DCC: variants seen among roughly 807,000 people sequenced by gnomAD.
DCC encodes DCC netrin 1 receptor, also known as netrin receptor DCC.
A neutral mutation model predicts 172.5 loss-of-function variants in DCC; 58 were observed. The observed-to-expected ratio is 0.34, with a 90% confidence interval of 0.27 to 0.42. The LOEUF (loss-of-function observed/expected upper bound fraction) is 0.42. DCC is among the 10% of genes least tolerant of loss of function. The pLI, the probability that DCC is intolerant of heterozygous loss-of-function variation, is 1.00. For missense variants in DCC, 1,740 were observed against 1,791.0 expected (o/e 0.97, Z 0.51); for synonymous variants, 709 against 644.5 (o/e 1.10, Z -1.52).
chr18:52,522,930 G>C (rs2031864687), intron 1 of DCC, among the ~76,000 whole-genome samples: 1 of 152,210 alleles, frequency 6.6e-6, no homozygotes, highest in Non-Finnish European at 1.5e-5. Context: ...CACAGTTTGA[G>C]AACGGGACCC....
At chr18:52,393,099 G>A (rs1181835868) in intron 1 of DCC, among the ~76,000 whole-genome samples, 1 of 152,002 alleles carries the variant, frequency 6.6e-6, no homozygotes, top group Non-Finnish European at 1.5e-5. Flanking sequence ...TTTCACTGTG[G>A]GATGAGATAT....
At chr18:53,114,749 C>T (rs186750020) in intron 7 of DCC, among the ~76,000 whole-genome samples, 2 of 151,696 alleles carry the variant, frequency 1.3e-5, no homozygotes, top group Admixed American at 1.3e-4. Context: ...TTGAAAAGAC[C>T]AGGCCAGGGC....
intron 1 of DCC, among the ~76,000 whole-genome samples, chr18:52,534,878 C>A (rs768396901): frequency 6.6e-6 from 1 of 152,132 alleles, no homozygotes; most frequent in African/African-American, 2.4e-5. Context: ...AATAGCCAAC[C>A]TACCTGGCAT....
At chr18:52,747,187 T>C (rs578164881) in intron 1 of DCC, among the ~76,000 whole-genome samples, 3 of 152,294 alleles carry the variant, frequency 2.0e-5, no homozygotes, top group Admixed American at 6.5e-5. Flanking sequence ...TCAGACTCCG[T>C]TGTGTAAGTT....
intron 2 of DCC, among the ~76,000 whole-genome samples, chr18:52,806,240 G>C (rs1205059145): frequency 2.0e-5 from 3 of 152,104 alleles, no homozygotes; most frequent in Non-Finnish European, 2.9e-5. Flanking sequence ...ATACACCCCA[G>C]TCCCCATACG....
At chr18:53,297,634 C>T (rs192249803) in intron 12 of DCC, among the ~76,000 whole-genome samples, 66 of 152,288 alleles carry the variant, frequency 4.3e-4, no homozygotes, top group Non-Finnish European at 8.8e-4. Context: ...CCCGTAACAG[C>T]AACAGCTTTT....
At chr18:53,495,929 T>C (rs141127728) in intron 26 of DCC, among the ~76,000 whole-genome samples, 223 of 152,174 alleles carry the variant, frequency 1.5e-3, no homozygotes, top group African/African-American at 5.1e-3. Flanking sequence ...GGGCAGGGCA[T>C]CTCTGAAAAA....
intron 28 of DCC, among the ~76,000 whole-genome samples, chr18:53,528,211 CTT>C (rs779488111): frequency 2.6e-5 from 4 of 151,902 alleles, no homozygotes; most frequent in Non-Finnish European, 5.9e-5. Flanking sequence ...TTTTTCTTGA[CTT>C]AATTTTTTTT....
chr18:53,177,194 G>T (rs1296060442), intron 8 of DCC, among the ~76,000 whole-genome samples: 6 of 151,412 alleles, frequency 4.0e-5, no homozygotes, highest in Non-Finnish European at 1.5e-5. Context: ...TGGGGGGAGC[G>T]GGGGAGGGAT....
intron 1 of DCC, among the ~76,000 whole-genome samples, chr18:52,750,821 A>G (rs940502234): frequency 3.3e-5 from 5 of 152,158 alleles, no homozygotes; most frequent in Admixed American, 6.6e-5. Context: ...GATTGGAATG[A>G]TTTTACAAAG....
At chr18:52,923,443 A>G (rs1034024226) in intron 3 of DCC, among the ~76,000 whole-genome samples, 5 of 152,116 alleles carry the variant, frequency 3.3e-5, no homozygotes, top group African/African-American at 1.2e-4. Flanking sequence ...TAAGTAAACA[A>G]TTCCTGCTTA....
intron 26 of DCC, among the ~76,000 whole-genome samples, chr18:53,497,353 A>G (rs2046037002): frequency 6.6e-6 from 1 of 152,220 alleles, no homozygotes; most frequent in Admixed American, 6.5e-5. Flanking sequence ...CTCCTAAGCA[A>G]TGCCTGCAAT....
At position 53,056,745 on chromosome 18, in the gene DCC, G is replaced by T. The variant is rs554197593; in HGVS notation, c.986-6560G>T. Among the ~76,000 whole-genome samples, 7 of 152,116 alleles carry T rather than the reference G, an allele frequency of 4.6e-5. No homozygotes were observed. The East Asian group carries it at 7.8e-4, about 17-fold the overall frequency. ...ACTAGCTGGCTTTCCACTGTTCTCA[G>T]GGCAGAATCACAGCCACTCAAAGAT... On this transcript the variant is annotated intron_variant, in intron 5 of 28. Coordinates refer to ENST00000442544, the MANE Select transcript of DCC (RefSeq NM_005215.4).
intron 2 of DCC, among the ~76,000 whole-genome samples, chr18:52,872,126 G>A (rs1275338011): frequency 1.3e-5 from 2 of 152,124 alleles, no homozygotes; most frequent in African/African-American, 4.8e-5. Context: ...CAGGAACATG[G>A]GAGAGGACCA....
intron 1 of DCC, among the ~76,000 whole-genome samples, chr18:52,722,493 TGTA>T (rs1202182636): frequency 1.3e-5 from 2 of 152,196 alleles, no homozygotes; most frequent in East Asian, 3.8e-4. Context: ...TTATTATTTA[TGTA>T]GTATAATTTC....
chr18:52,416,168 T>C (rs529516581), intron 1 of DCC, among the ~76,000 whole-genome samples: 3 of 152,226 alleles, frequency 2.0e-5, no homozygotes, highest in Non-Finnish European at 2.9e-5. Flanking sequence ...TCAGTTTCCA[T>C]GTAGTTGAGC....
At chr18:52,899,799 TCTAA>T (rs1190558439) in intron 2 of DCC, among the ~76,000 whole-genome samples, 1 of 152,196 alleles carries the variant, frequency 6.6e-6, no homozygotes, top group Non-Finnish European at 1.5e-5. Flanking sequence ...CCAAGGCTCC[TCTAA>T]CTAATTCTTT....
At chr18:52,560,574 A>G (rs542431856) in intron 1 of DCC, among the ~76,000 whole-genome samples, 7 of 152,308 alleles carry the variant, frequency 4.6e-5, no homozygotes, top group African/African-American at 1.7e-4. Flanking sequence ...GTAGAATAGA[A>G]AAACAAAAAA....
intron 5 of DCC, among the ~76,000 whole-genome samples, chr18:53,028,713 C>T (rs571768329): frequency 6.6e-6 from 1 of 152,264 alleles, no homozygotes; most frequent in African/African-American, 2.4e-5. Flanking sequence ...ACAGTAGCCT[C>T]TACAATACTT....
Sources: gnomAD v4.1 joint callset for allele counts (sites outside exome capture counted in the v4.1 genomes callset) on GRCh38, gnomAD v4.1.1 for gene constraint, MANE v1.5 for transcripts, NCBI Gene and HGNC (gene_info 2026-07-23, HGNC 2026-07-21) for gene names.